The following DLGAP1 variants were observed in gnomAD, a reference collection of about 807,000 sequenced individuals.
DLGAP1 encodes DLG associated protein 1.
DLGAP1 carries 11 observed loss-of-function variants against 90.8 expected under a neutral mutation model. The observed-to-expected ratio is 0.12, with a 90% CI of 0.08 to 0.20. The LOEUF is 0.20. DLGAP1 is among the 10% of genes least tolerant of loss of function. The pLI, the probability that DLGAP1 is intolerant of heterozygous loss-of-function variation, is 1.00. For synonymous variants in DLGAP1, 558 were observed against 540.7 expected (o/e 1.03, Z -0.44); for missense variants, 1,050 against 1,333.8 (o/e 0.79, Z 3.31).
At chr18:4,086,798 T>C (rs1207245814) in intron 2 of DLGAP1, among the ~76,000 whole-genome samples, 1 of 151,998 alleles carries the variant, frequency 6.6e-6, no homozygotes, top group Non-Finnish European at 1.5e-5. Context: ...GTTGATTGTG[T>C]TGTTAAGTTC....
At chr18:4,135,787 A>ATTGTT (rs1283570927) in intron 2 of DLGAP1, among the ~76,000 whole-genome samples, 1 of 95,306 alleles carries the variant, frequency 1.0e-5, no homozygotes, top group Non-Finnish European at 1.9e-5. Context: ...AGAGAATCTG[A>ATTGTT]TTCTTTTTTT....
chr18:4,297,324 C>G (rs558261178), intron 1 of DLGAP1, among the ~76,000 whole-genome samples: 1 of 152,184 alleles, frequency 6.6e-6, no homozygotes, highest in South Asian at 2.1e-4. Context: ...AGAAAACCAT[C>G]AATGTCTGGT....
intron 1 of DLGAP1, among the ~76,000 whole-genome samples, chr18:4,215,277 T>C (rs2077928615): frequency 6.6e-6 from 1 of 152,196 alleles, no homozygotes; most frequent in Admixed American, 6.5e-5. Context: ...CACCACGAAG[T>C]ATCTTAAAAT....
chr18:4,451,916 G>A (rs1426380678), intron 1 of DLGAP1, among the ~76,000 whole-genome samples: 1 of 152,154 alleles, frequency 6.6e-6, no homozygotes, highest in African/African-American at 2.4e-5. Flanking sequence ...TGAGAAGTGA[G>A]GATTGGGGAA....
chr18:3,758,721 T>C (rs1395605264), intron 5 of DLGAP1, among the ~76,000 whole-genome samples: 1 of 152,202 alleles, frequency 6.6e-6, no homozygotes, highest in African/African-American at 2.4e-5. Context: ...GCGTCATGCA[T>C]AGTTGGATTA....
chr18:3,713,740 T>C (rs1474644859), intron 7 of DLGAP1, among the ~76,000 whole-genome samples: 1 of 151,620 alleles, frequency 6.6e-6, no homozygotes, highest in Non-Finnish European at 1.5e-5. Context: ...ACTTGTGTGA[T>C]AGAAAGAAAC....
At chr18:3,663,220 G>A (rs984449317) in intron 7 of DLGAP1, among the ~76,000 whole-genome samples, 5 of 151,890 alleles carry the variant, frequency 3.3e-5, no homozygotes, top group Admixed American at 6.6e-5. Context: ...GTAGTGAGCC[G>A]AGATCATGCC....
chr18:3,877,136 G>C (rs777278105), intron 4 of DLGAP1, among the ~76,000 whole-genome samples: 1 of 152,098 alleles, frequency 6.6e-6, no homozygotes, highest in African/African-American at 2.4e-5. Flanking sequence ...GTAATCTTGG[G>C]ATTATCACAA....
intron 1 of DLGAP1, among the ~76,000 whole-genome samples, chr18:4,301,967 C>T (rs71358042): frequency 0.018 from 2,689 of 152,114 alleles, 38 homozygotes; most frequent in Non-Finnish European, 0.028. Flanking sequence ...AGGTCCCTTG[C>T]CTACTTTTTA....
intron 1 of DLGAP1, among the ~76,000 whole-genome samples, chr18:4,395,441 T>C (rs751382640): frequency 1.4e-4 from 21 of 152,190 alleles, no homozygotes; most frequent in Non-Finnish European, 2.4e-4. Context: ...ATTTCTAGCA[T>C]CTACCTCAGT....
Position 4,383,579 on chromosome 18 carries a change from T to C in DLGAP1, c.-267+71427A>G, listed in dbSNP as rs1401881238. 6.6e-6 allele frequency among the ~76,000 whole-genome samples: 1 copy of C among 151,932 alleles called. No homozygotes were observed. Among genetic ancestry groups the C allele is most frequent in the Non-Finnish European group, 1.5e-5 (1 of 67,962 alleles). On this transcript the variant is annotated intron_variant, in intron 1 of 12. Transcript: ENST00000315677. The surrounding 1 kb of genome is among the most constrained non-coding windows in gnomAD (Gnocchi z 4.0). ...TGCACTTAGACAAAACCGAGTATCC[T>C]TGCTCATTAAAAAAAAAGGGATGTT...
chr18:4,004,621 C>T lies in DLGAP1; in HGVS notation c.-73+495G>A, dbSNP rs114237628. Among the ~76,000 whole-genome samples the T allele has an allele frequency of 6.0e-3, 920 of 152,208 alleles. 10 individuals carry two copies. The highest frequency in any genetic ancestry group is 0.021 in the African/African-American group (879 of 41,496). On this transcript the variant is annotated intron_variant, in intron 3 of 12. Coordinates refer to ENST00000315677, the MANE Select transcript of DLGAP1 (RefSeq NM_004746.4). ...AAATAGTGACTCATCAGACAGAGGG[C>T]GTCTCTATTCTATTAATTTCAACTG...
chr18:3,976,048 A>G (rs1316241456), intron 3 of DLGAP1, among the ~76,000 whole-genome samples: 1 of 152,092 alleles, frequency 6.6e-6, no homozygotes, highest in African/African-American at 2.4e-5. Flanking sequence ...TAAACTGTAC[A>G]CTTAAAAAGT....
At chr18:3,812,247 C>T (rs2066880892) in intron 5 of DLGAP1, among the ~76,000 whole-genome samples, 1 of 152,152 alleles carries the variant, frequency 6.6e-6, no homozygotes. Flanking sequence ...CTTGGCCTCC[C>T]TCATTTCATG....
intron 7 of DLGAP1, among the ~76,000 whole-genome samples, chr18:3,687,319 G>A (rs894843043): frequency 2.6e-5 from 4 of 152,156 alleles, no homozygotes; most frequent in Non-Finnish European, 4.4e-5. Context: ...TGGGTGCCCA[G>A]GTAGGAGGCT....
chr18:3,754,645 C>T lies in DLGAP1; in HGVS notation c.1173-12133G>A, dbSNP rs191455287. 6.7e-5 allele frequency among the ~76,000 whole-genome samples: 10 copies of T among 148,378 alleles called. No homozygotes were observed. The East Asian group carries it at 1.6e-3, about 24-fold the overall frequency. ...CTGTAATCCTACCACTCTGGGAGGC[C>T]GAGGCAGGTGGATTGCATGAGCTCA... On this transcript the variant is annotated intron_variant, in intron 5 of 12. Transcript: ENST00000315677.
chr18:4,003,654 C>T (rs1424875292), intron 3 of DLGAP1, among the ~76,000 whole-genome samples: 1 of 152,004 alleles, frequency 6.6e-6, no homozygotes, highest in African/African-American at 2.4e-5. Context: ...GACATCAGAT[C>T]TGTGGCTGTT....
chr18:3,730,990 C>G (rs9951397), intron 6 of DLGAP1, among the ~76,000 whole-genome samples: 9,974 of 152,052 alleles, frequency 0.066, 1,072 homozygotes, highest in African/African-American at 0.23. Flanking sequence ...GCAAGAGAGA[C>G]AAAGAGTGAG....
At position 3,614,320 on chromosome 18, in the gene DLGAP1, T is replaced by C. The variant is rs2057757545; in HGVS notation, c.1592-32072A>G. On this transcript the variant is annotated intron_variant, in intron 7 of 12. Transcript: ENST00000315677. ...GGCCTTGGCCAATATTGAACTGGGG[T>C]TCTGGGATACCGCAAAGTATTATAT... Among the ~76,000 whole-genome samples the C allele has an allele frequency of 2.6e-5, 4 of 152,248 alleles. No individual in the cohort carries two copies. The South Asian group carries it at 8.3e-4, about 32-fold the overall frequency.
Sources: gnomAD v4.1 joint callset for allele counts (sites outside exome capture counted in the v4.1 genomes callset) on GRCh38, gnomAD v4.1.1 for gene constraint, Gnocchi (gnomAD v3.1) non-coding constraint, MANE v1.5 for transcripts, NCBI Gene and HGNC (gene_info 2026-07-23, HGNC 2026-07-21) for gene names.